Variants in MCTP1 observed in about 807,000 individuals in gnomAD.
MCTP1 encodes the protein multiple C2 and transmembrane domain containing 1, also known as multiple C2 and transmembrane domain-containing protein 1.
MCTP1 carries 69 observed loss-of-function variants against 120.6 expected under a neutral mutation model. The ratio of observed to expected loss-of-function variants is 0.57; its 90% CI spans 0.47 to 0.70. The LOEUF (loss-of-function observed/expected upper bound fraction) is 0.70, where lower values mean the gene tolerates loss of function less well. Ranked by LOEUF, MCTP1 falls within the 30% of genes least tolerant of loss-of-function variation. The pLI, the probability that MCTP1 is intolerant of heterozygous loss-of-function variation, is 0.00. For missense variants in MCTP1, 1,203 were observed against 1,248.8 expected, an observed-to-expected ratio of 0.96 and a Z score of 0.55; for synonymous variants, 529 against 493.1, an observed-to-expected ratio of 1.07 and a Z score of -0.96.
intron 1 of MCTP1, among the ~76,000 whole-genome samples, chr5:95,034,952 C>T (rs909354297): frequency 1.3e-5 from 2 of 151,894 alleles, no homozygotes; most frequent in Non-Finnish European, 2.9e-5. Flanking sequence ...TACAAGTGAC[C>T]AATAACCATT....
chr5:95,267,586 A>G (rs1228915819), intron 1 of MCTP1, among the ~76,000 whole-genome samples: 5 of 152,246 alleles, frequency 3.3e-5, no homozygotes, highest in East Asian at 1.9e-4. Context: ...TAAGGAAAAC[A>G]TAGCTCCAAC....
At chr5:94,893,795 G>A (rs935610683) in intron 11 of MCTP1, among the ~76,000 whole-genome samples, 3 of 152,166 alleles carry the variant, frequency 2.0e-5, no homozygotes, top group Non-Finnish European at 4.4e-5. Context: ...TTAGAGCTTG[G>A]TTTCATGGCT....
chr5:94,703,818 T>G lies in MCTP1; in HGVS notation c.*3678A>C, dbSNP rs190785451. ...GCTCTTAGTTTCTACATTGTATGAT[T>G]GCTTTGGACATTTGATAGTTTTTAT... On this transcript the variant is annotated 3_prime_UTR_variant, in exon 23 of 23. Transcript: ENST00000515393. 1 of 151,472 alleles carries G rather than the reference T, an allele frequency of 6.6e-6. No homozygotes were observed. Among genetic ancestry groups the G allele is most frequent in the Non-Finnish European group, 1.5e-5 (1 of 67,618 alleles). 9.4% of individuals were successfully genotyped at this position (151,472 alleles called of 1,614,324 possible).
intron 1 of MCTP1, among the ~76,000 whole-genome samples, chr5:95,118,536 TTAA>T (rs1757985369): frequency 6.6e-6 from 1 of 152,154 alleles, no homozygotes; most frequent in African/African-American, 2.4e-5. Context: ...TCCTTACTTA[TTAA>T]TAATAACATT....
At chr5:95,208,829 C>G (rs73776316) in intron 1 of MCTP1, among the ~76,000 whole-genome samples, 1 of 152,012 alleles carries the variant, frequency 6.6e-6, no homozygotes, top group Non-Finnish European at 1.5e-5. Context: ...TCTTGAAAGT[C>G]ACCAATGATC....
Position 94,868,322 on chromosome 5 carries a change from T to G in MCTP1, c.2436+11A>C, listed in dbSNP as rs1561775870. On this transcript the variant is annotated intron_variant, in intron 17 of 22. Transcript: ENST00000515393. Reference sequence around the variant, plus strand: ...ATGAATAACAATGTAAGTAATACAGTATGATCATACCACAAAAGCAGCGAG... The same window carrying G: ...ATGAATAACAATGTAAGTAATACAGGATGATCATACCACAAAAGCAGCGAG... 6.3e-7 allele frequency: 1 copy of G among 1,590,048 alleles called. No homozygotes were observed.
intron 19 of MCTP1, among the ~76,000 whole-genome samples, chr5:94,775,445 T>A (rs1234725579): frequency 6.6e-6 from 1 of 152,206 alleles, no homozygotes; most frequent in Admixed American, 6.5e-5. Flanking sequence ...CACCATTATA[T>A]GGCTTGTTGA....
intron 2 of MCTP1, among the ~76,000 whole-genome samples, chr5:94,994,409 A>G (rs867135707): frequency 6.6e-6 from 1 of 152,212 alleles, no homozygotes; most frequent in African/African-American, 2.4e-5. Flanking sequence ...AACTCTTAGG[A>G]AAATAGCCTA....
At position 94,705,222 on chromosome 5, in the gene MCTP1, GAAAT is replaced by G. The variant is rs1260496510; in HGVS notation, c.*2270_*2273del. On this transcript the variant is annotated 3_prime_UTR_variant, in exon 23 of 23. Coordinates refer to ENST00000515393, the MANE Select transcript of MCTP1 (RefSeq NM_024717.7). ...ATTGCAGCTATGTGAGAAGGGGAAA[GAAAT>G]AAATAGTTAAAATTTTAACTATACA... The G allele has an allele frequency of 5.9e-5, 9 of 151,452 alleles. No homozygotes were observed. Among genetic ancestry groups the G allele is most frequent in the South Asian group, 4.1e-4 (2 of 4,830 alleles). 9.4% of individuals were successfully genotyped at this position (151,452 alleles called of 1,614,324 possible).
At chr5:95,231,463 G>A (rs1181919471) in intron 1 of MCTP1, among the ~76,000 whole-genome samples, 1 of 152,152 alleles carries the variant, frequency 6.6e-6, no homozygotes. Context: ...AATCTATGAT[G>A]TGAATCTATA....
chr5:94,816,341 C>T (rs1489662189), intron 17 of MCTP1, among the ~76,000 whole-genome samples: 1 of 152,080 alleles, frequency 6.6e-6, no homozygotes, highest in East Asian at 1.9e-4. Context: ...GTTGGCCCCT[C>T]TCCCTCAACT....
chr5:94,707,364 T>C lies in MCTP1; in HGVS notation c.*132A>G. 1 of 673,592 alleles carries C rather than the reference T, an allele frequency of 1.5e-6. No homozygotes were observed. Among genetic ancestry groups the C allele is most frequent in the East Asian group, 2.7e-5 (1 of 37,270 alleles). The allele number at this position is 673,592 out of a possible 1,614,324, so 41.7% of individuals were successfully genotyped here. ...AAGACATATGCCTTTGTACACTATTTACAGATTCTCTCGATCATGATAAAA... is the reference window on the plus strand; with the variant it reads ...AAGACATATGCCTTTGTACACTATTCACAGATTCTCTCGATCATGATAAAA... On this transcript the variant is annotated 3_prime_UTR_variant, in exon 23 of 23. Coordinates refer to ENST00000515393, the MANE Select transcript of MCTP1 (RefSeq NM_024717.7).
intron 2 of MCTP1, among the ~76,000 whole-genome samples, chr5:95,007,400 T>A (rs1418737128): frequency 6.6e-6 from 1 of 152,196 alleles, no homozygotes; most frequent in Non-Finnish European, 1.5e-5. Flanking sequence ...TGGCAGCTGC[T>A]CGTATGACCA....
rs138791801 is a variant in MCTP1, at chr5:95,037,101, A to G, written c.721-19617T>C. The stretch of plus-strand genomic sequence containing the variant: ...AACAGGAGTTTCATGGCAGTAAATC[A>G]GAAGTCCTCCACCTCCTTCAACCTG... On this transcript the variant is annotated intron_variant, in intron 1 of 22. Coordinates refer to ENST00000515393, the MANE Select transcript of MCTP1 (RefSeq NM_024717.7). Among the ~76,000 whole-genome samples the G allele has an allele frequency of 1.6e-4, 24 of 152,360 alleles. No individual in the cohort carries two copies. In the East Asian group the frequency reaches 4.4e-3, roughly 28 times the overall value.
intron 1 of MCTP1, among the ~76,000 whole-genome samples, chr5:95,073,524 C>G (rs1752765582): frequency 6.6e-6 from 1 of 152,198 alleles, no homozygotes. Context: ...TGTGAGTTCA[C>G]CTACAAAGAT....
intron 17 of MCTP1, among the ~76,000 whole-genome samples, chr5:94,828,042 T>C (rs1161676860): frequency 6.6e-6 from 1 of 152,160 alleles, no homozygotes; most frequent in Non-Finnish European, 1.5e-5. Context: ...AGAGGCATTC[T>C]GGTTTTTGGA....
intron 1 of MCTP1, among the ~76,000 whole-genome samples, chr5:95,198,306 T>C (rs930967835): frequency 3.9e-5 from 6 of 152,166 alleles, no homozygotes; most frequent in African/African-American, 1.4e-4. Context: ...CAACTTACCA[T>C]GGTTTAGTTT....
chr5:95,017,331 A>G lies in MCTP1; in HGVS notation c.838+36T>C, dbSNP rs200969044. ...AACAAAGTTTGTCATAAACACATAA[A>G]AAAGCTTCTAGGTGATATTGCTCTT... On this transcript the variant is annotated intron_variant, in intron 2 of 22. Coordinates refer to ENST00000515393, the MANE Select transcript of MCTP1 (RefSeq NM_024717.7). 765 of 1,342,500 alleles carry G rather than the reference A, an allele frequency of 5.7e-4. 1 individual carries two copies. The highest frequency in any genetic ancestry group is 7.6e-4 in the Non-Finnish European group (727 of 958,564). 83.2% of individuals were successfully genotyped at this position (1,342,500 alleles called of 1,614,324 possible).
chr5:95,078,458 T>C (rs2152303040), intron 1 of MCTP1, among the ~76,000 whole-genome samples: 1 of 152,332 alleles, frequency 6.6e-6, no homozygotes, highest in South Asian at 2.1e-4. Context: ...CTCTCAGTTA[T>C]GTATGCTCAT....
Sources: allele counts gnomAD v4.1 joint callset (sites outside exome capture counted in the v4.1 genomes callset), GRCh38; gene constraint gnomAD v4.1.1; transcripts MANE v1.5; gene names NCBI Gene and HGNC (gene_info 2026-07-23, HGNC 2026-07-21).